NOS1AP: variants seen among roughly 807,000 people sequenced by gnomAD.
NOS1AP encodes the protein carboxyl-terminal PDZ ligand of neuronal nitric oxide synthase protein.
NOS1AP carries 21 observed loss-of-function variants against 56.2 expected under a neutral mutation model. That is an observed-to-expected ratio of 0.37 (90% CI 0.26 to 0.54). The LOEUF (loss-of-function observed/expected upper bound fraction) is 0.54. Ranked by LOEUF, NOS1AP falls within the 20% of genes least tolerant of loss-of-function variation. NOS1AP has a pLI of 0.84. For missense variants in NOS1AP, 522 were observed against 657.8 expected, an observed-to-expected ratio of 0.79 and a Z score of 2.26; for synonymous variants, 270 against 274.6, an observed-to-expected ratio of 0.98 and a Z score of 0.17.
intron 2 of NOS1AP, among the ~76,000 whole-genome samples, chr1:162,270,145 G>T (rs1654540193): frequency 6.6e-6 from 1 of 152,140 alleles, no homozygotes; most frequent in Non-Finnish European, 1.5e-5. Context: ...CTAGGTATGG[G>T]GTAGTGTTTA....
intron 6 of NOS1AP, among the ~76,000 whole-genome samples, chr1:162,348,249 G>A (rs1479125007): frequency 1.3e-5 from 2 of 152,228 alleles, no homozygotes; most frequent in African/African-American, 2.4e-5. Flanking sequence ...CAGAGATTAA[G>A]TAGAGATTTC....
chr1:162,278,664 CGTGT>C (rs57058985), intron 2 of NOS1AP, among the ~76,000 whole-genome samples: 12,820 of 142,582 alleles, frequency 0.09, 649 homozygotes, highest in Middle Eastern at 0.14. Flanking sequence ...ACTCCTTCTA[CGTGT>C]GTGTGTGTGT....
intron 1 of NOS1AP, among the ~76,000 whole-genome samples, chr1:162,080,936 A>G (rs1192072287): frequency 6.6e-6 from 1 of 152,208 alleles, no homozygotes; most frequent in East Asian, 1.9e-4. Flanking sequence ...ATAGATGGAG[A>G]AGCCAAGGCA....
At chr1:162,333,191 G>GGGTCTTTA in intron 5 of NOS1AP, 66 bp downstream of exon 5, 1 of 1,089,792 alleles carries the variant, frequency 9.2e-7, no homozygotes, top group Admixed American at 1.8e-5. Flanking sequence ...CCCAACATTG[G>GGGTCTTTA]CCCGTCTCCC....
intron 2 of NOS1AP, among the ~76,000 whole-genome samples, chr1:162,166,714 T>G (rs1184946802): frequency 6.6e-6 from 1 of 152,208 alleles, no homozygotes; most frequent in Non-Finnish European, 1.5e-5. Flanking sequence ...GTCAATTCTT[T>G]TGTAAAATGG....
intron 5 of NOS1AP, among the ~76,000 whole-genome samples, chr1:162,337,796 G>A (rs1304083643): frequency 6.6e-6 from 1 of 152,148 alleles, no homozygotes; most frequent in African/African-American, 2.4e-5. Context: ...TCCTTATACT[G>A]AGCAATATTC....
chr1:162,369,382 T>G lies in NOS1AP; in HGVS notation c.*1915T>G, dbSNP rs1647302078. On this transcript the variant is annotated 3_prime_UTR_variant, in exon 10 of 10. Transcript: ENST00000361897. ...CCAGTGTGGCTGAGCCTACCTAGCTTATGAAATCTAACCCAGGGTTCCCTG... is the reference window on the plus strand; with the variant it reads ...CCAGTGTGGCTGAGCCTACCTAGCTGATGAAATCTAACCCAGGGTTCCCTG... The G allele has an allele frequency of 6.6e-6, 1 of 152,186 alleles. No individual in the cohort carries two copies. Among genetic ancestry groups the G allele is most frequent in the South Asian group, 2.1e-4 (1 of 4,824 alleles). 9.4% of individuals were successfully genotyped at this position (152,186 alleles called of 1,614,324 possible). A position where few individuals can be genotyped will look rare whatever the true frequency, so the allele number is the denominator to read the frequency against.
chr1:162,070,336 T>G, intron 1 of NOS1AP, 54 bp downstream of exon 1: 3 of 1,465,246 alleles, frequency 2.0e-6, no homozygotes, highest in Non-Finnish European at 2.9e-6. Context: ...GGGGGCATGT[T>G]TGAGCGGATG....
rs10800422 is a variant in NOS1AP at position 162,298,978 on chromosome 1, C to A, written c.271-1655C>A. Among the ~76,000 whole-genome samples the A allele has an allele frequency of 3.3e-5, 5 of 152,240 alleles. No homozygotes were observed. In the East Asian group the frequency reaches 7.7e-4, roughly 24 times the overall value. On this transcript the variant is annotated intron_variant, in intron 3 of 9. Coordinates refer to ENST00000361897, the MANE Select transcript of NOS1AP (RefSeq NM_014697.3). Reference sequence around the variant, plus strand: ...AAAGTGCAGGTAGAATATGTGGTCACGGCTATAGATGTGACTTAATTTAAT... The same window carrying A: ...AAAGTGCAGGTAGAATATGTGGTCAAGGCTATAGATGTGACTTAATTTAAT...
intron 4 of NOS1AP, among the ~76,000 whole-genome samples, chr1:162,309,774 T>G (rs1655964582): frequency 6.6e-6 from 1 of 152,172 alleles, no homozygotes; most frequent in Non-Finnish European, 1.5e-5. Context: ...TAAATATGTA[T>G]TTAAAAAGAG....
At chr1:162,298,530 G>A (rs1289773354) in intron 3 of NOS1AP, among the ~76,000 whole-genome samples, 1 of 152,164 alleles carries the variant, frequency 6.6e-6, no homozygotes, top group Non-Finnish European at 1.5e-5. Flanking sequence ...TCCCTTCTGG[G>A]GGTAATAAGG....
chr1:162,126,916 A>T (rs1210621447), intron 1 of NOS1AP, among the ~76,000 whole-genome samples: 1 of 152,138 alleles, frequency 6.6e-6, no homozygotes, highest in African/African-American at 2.4e-5. Context: ...TGTAGCAATG[A>T]TTGTTTCTCT....
intron 1 of NOS1AP, among the ~76,000 whole-genome samples, chr1:162,091,299 C>A: frequency 6.6e-6 from 1 of 152,134 alleles, no homozygotes; most frequent in East Asian, 1.9e-4. Flanking sequence ...GGTTCAGCGG[C>A]AGTTCTCCAG....
At chr1:162,225,801 G>C (rs1002922937) in intron 2 of NOS1AP, among the ~76,000 whole-genome samples, 1 of 152,180 alleles carries the variant, frequency 6.6e-6, no homozygotes, top group Non-Finnish European at 1.5e-5. Flanking sequence ...GGCACAGTCC[G>C]TAGATTACTG....
chr1:162,152,644 G>A lies in NOS1AP; in HGVS notation c.106-1761G>A, dbSNP rs141767372. ...ATAGCTGTGTTGCTCCCCATGGGCC[G>A]TGGTGGGGCTGTCCCCTTGGGGCCA... On this transcript the variant is annotated intron_variant, in intron 1 of 9. Coordinates refer to ENST00000361897, the MANE Select transcript of NOS1AP (RefSeq NM_014697.3). 3.9e-5 allele frequency among the ~76,000 whole-genome samples: 6 copies of A among 152,380 alleles called. No homozygotes were observed. The East Asian group carries it at 5.8e-4, about 15-fold the overall frequency.
rs200207594 is a variant in NOS1AP at position 162,268,320 on chromosome 1, C to A, written c.178-19024C>A. ...CTAGTGTGGCCCTGTAGCTCCCCCC[C>A]CCTATTTCTAGAATATTTATTATAA... On this transcript the variant is annotated intron_variant, in intron 2 of 9. Transcript: ENST00000361897. Among the ~76,000 whole-genome samples the A allele has an allele frequency of 6.1e-4, 87 of 143,504 alleles. 1 individual carries two copies. The East Asian group carries it at 0.019, about 32-fold the overall frequency. The allele number at this position is 143,504 out of a possible 152,430, so 94.1% of individuals were successfully genotyped here.
At chr1:162,268,303 G>A (rs1410132432) in intron 2 of NOS1AP, among the ~76,000 whole-genome samples, 1 of 34,616 alleles carries the variant, frequency 2.9e-5, no homozygotes, top group East Asian at 7.5e-4. Context: ...AACTAGTGTG[G>A]CCCTGTAGCT....
chr1:162,273,310 C>T (rs1361555810), intron 2 of NOS1AP, among the ~76,000 whole-genome samples: 1 of 151,944 alleles, frequency 6.6e-6, no homozygotes, highest in Non-Finnish European at 1.5e-5. Context: ...ACTACAGGCG[C>T]CCGCCACCAC....
intron 2 of NOS1AP, among the ~76,000 whole-genome samples, chr1:162,170,151 C>A (rs554894525): frequency 6.6e-6 from 1 of 152,172 alleles, no homozygotes; most frequent in South Asian, 2.1e-4. Flanking sequence ...AGAGTCACTA[C>A]CTGAGAGCAG....
Sources: gnomAD v4.1 joint callset for allele counts (sites outside exome capture counted in the v4.1 genomes callset) on GRCh38, gnomAD v4.1.1 for gene constraint, MANE v1.5 for transcripts, NCBI Gene and HGNC (gene_info 2026-07-23, HGNC 2026-07-21) for gene names.